Variants in SLC25A42 observed in about 807,000 individuals in gnomAD.
The protein encoded by SLC25A42 is solute carrier family 25 member 42.
SLC25A42 carries 19 observed loss-of-function variants against 34.7 expected under a neutral mutation model. That is an observed-to-expected ratio of 0.55 (90% CI 0.38 to 0.80). The LOEUF is 0.80. SLC25A42 is among the 30% of genes least tolerant of loss of function. The pLI is 0.00. For synonymous variants in SLC25A42, 205 were observed against 191.2 expected, an observed-to-expected ratio of 1.07 and a Z score of -0.59; for missense variants, 364 against 441.3, an observed-to-expected ratio of 0.82 and a Z score of 1.57.
chr19:19,068,728 C>T (rs2145895518), intron 1 of SLC25A42, among the ~76,000 whole-genome samples: 1 of 151,500 alleles, frequency 6.6e-6, no homozygotes, highest in South Asian at 2.1e-4. Flanking sequence ...GTCCCAGCTA[C>T]TCGGGAGACT....
chr19:19,065,016 C>T (rs1200452565), intron 1 of SLC25A42, among the ~76,000 whole-genome samples: 1 of 152,222 alleles, frequency 6.6e-6, no homozygotes, highest in Non-Finnish European at 1.5e-5. Flanking sequence ...GAGGCAGAGC[C>T]TATTCTACCC....
rs200046761 is a variant in SLC25A42 at position 19,107,866 on chromosome 19, C to T, written c.498-28C>T. The T allele has an allele frequency of 1.9e-4, 313 of 1,613,250 alleles. 3 individuals carry two copies. In the Admixed American group the frequency reaches 4.3e-3, roughly 22 times the overall value. On this transcript the variant is annotated intron_variant, in intron 6 of 7. Transcript: ENST00000318596. ...CCCTGTGCCTGGGAGGCCTGAGTCC[C>T]ACCTGCTGGGCTGCTCTGTCCTGGC...
At chr19:19,108,990 T>G (rs1271200869) in intron 7 of SLC25A42, among the ~76,000 whole-genome samples, 1 of 152,182 alleles carries the variant, frequency 6.6e-6, no homozygotes, top group Non-Finnish European at 1.5e-5. Flanking sequence ...CAAGTCTCTC[T>G]CCTGAGGCCT....
At chr19:19,105,112 C>T in intron 4 of SLC25A42, 174 bp downstream of exon 4, 2 of 753,802 alleles carry the variant, frequency 2.7e-6, no homozygotes, top group Non-Finnish European at 2.2e-6. Flanking sequence ...CGGGACATCC[C>T]GAGTGTCCTT....
intron 2 of SLC25A42, 77 bp from the exon 3 acceptor site, chr19:19,101,704 G>A: frequency 7.5e-7 from 1 of 1,324,950 alleles, no homozygotes; most frequent in Non-Finnish European, 1.1e-6. Flanking sequence ...AGGGTGTAAG[G>A]AAGGCACTTC....
At chr19:19,089,869 A>AAAAAACAAAAACAAAAAC (rs112181062) in intron 1 of SLC25A42, among the ~76,000 whole-genome samples, 20 of 151,520 alleles carry the variant, frequency 1.3e-4, no homozygotes, top group South Asian at 4.2e-4. Context: ...ACTCCGTCTC[A>AAAAAACAAAAACAAAAAC]AAAAACAAAA....
Position 19,109,299 on chromosome 19 carries a change from G to A in SLC25A42, c.649+1254G>A, listed in dbSNP as rs1198870734. On this transcript the variant is annotated intron_variant, in intron 7 of 7. Coordinates refer to ENST00000318596, the MANE Select transcript of SLC25A42 (RefSeq NM_178526.5). The surrounding 1 kb of genome is among the most constrained non-coding windows in gnomAD (Gnocchi z 4.1). ...GACATCCAGGAGCTCGTCTCCTTGT[G>A]TGACTGTAAAACCCCATTTTCGGTG... Among the ~76,000 whole-genome samples, 2 of 152,204 alleles carry A rather than the reference G, an allele frequency of 1.3e-5. No homozygotes were observed. The highest frequency in any genetic ancestry group is 2.9e-5 in the Non-Finnish European group (2 of 68,046).
chr19:19,075,834 A>G (rs1481040812), intron 1 of SLC25A42, among the ~76,000 whole-genome samples: 1 of 151,918 alleles, frequency 6.6e-6, no homozygotes, highest in Non-Finnish European at 1.5e-5. Flanking sequence ...CTCTGTGTCA[A>G]CTCTGCCCTG....
At position 19,108,044 on chromosome 19, in the gene SLC25A42, A is replaced by C. The variant is rs45546936; in HGVS notation, c.648A>C (p.Arg216Ser). The C allele has an allele frequency of 2.9e-5, 46 of 1,563,336 alleles. No individual in the cohort carries two copies. Among genetic ancestry groups the C allele is most frequent in the Non-Finnish European group, 3.7e-5 (43 of 1,152,024 alleles). The change falls in exon 7 of 8, where the codon AGA becomes AGC. Residue 216 changes from arginine (R) to serine (S), a missense_variant and splice_region_variant. By Grantham distance (110) the Arg-to-Ser change is moderately radical. Transcript: ENST00000318596. ...ATGAGACGCTCAAGAGCTTGCACAG[A>C]GGTAAGGAGAGCTGGGAGCATGAGG... ...FTYETLKSLHREYSGRRQPYP... is the reference protein window; with the variant it reads ...FTYETLKSLHSEYSGRRQPYP...
chr19:19,084,285 C>G (rs1050070206), intron 1 of SLC25A42, among the ~76,000 whole-genome samples: 2 of 152,196 alleles, frequency 1.3e-5, no homozygotes, highest in African/African-American at 4.8e-5. Context: ...GTTTGGGGCC[C>G]ACAGATGCTC....
chr19:19,075,021 G>A (rs1016195514), intron 1 of SLC25A42, among the ~76,000 whole-genome samples: 1 of 152,004 alleles, frequency 6.6e-6, no homozygotes, highest in Non-Finnish European at 1.5e-5. Flanking sequence ...GGGCATGATA[G>A]TGTACACCCA....
chr19:19,088,441 C>T (rs1467346842), intron 1 of SLC25A42, among the ~76,000 whole-genome samples: 2 of 151,856 alleles, frequency 1.3e-5, no homozygotes, highest in Non-Finnish European at 2.9e-5. Context: ...CTCCTGACCT[C>T]GTGATCTGCC....
At chr19:19,078,884 T>G (rs2059667897) in intron 1 of SLC25A42, among the ~76,000 whole-genome samples, 1 of 151,934 alleles carries the variant, frequency 6.6e-6, no homozygotes, top group Non-Finnish European at 1.5e-5. Flanking sequence ...GTAGTCTTGC[T>G]CTTGTCCCCC....
chr19:19,088,427 C>T (rs139347493), intron 1 of SLC25A42, among the ~76,000 whole-genome samples: 5 of 151,920 alleles, frequency 3.3e-5, no homozygotes, highest in East Asian at 1.9e-4. Context: ...AGGATGGACT[C>T]GATCTCCTGA....
chr19:19,077,972 T>C (rs1342219883), intron 1 of SLC25A42, among the ~76,000 whole-genome samples: 2 of 152,218 alleles, frequency 1.3e-5, no homozygotes, highest in Admixed American at 6.5e-5. Context: ...ATCCGTGTTG[T>C]TGTCGCGTGT....
At chr19:19,097,309 G>A (rs182527779) in intron 2 of SLC25A42, among the ~76,000 whole-genome samples, 9 of 152,286 alleles carry the variant, frequency 5.9e-5, no homozygotes, top group South Asian at 2.1e-4. Context: ...AGCAGCAGGC[G>A]GGCGGGAGGA....
rs996227499 is a variant in SLC25A42 at position 19,096,155 on chromosome 19, C to T, written c.31C>T (p.Arg11Ter). Residue 11 changes from arginine to a stop codon, truncating the protein, a stop_gained, in exon 2 of 8, where the codon CGA becomes TGA. Coordinates refer to ENST00000318596, the MANE Select transcript of SLC25A42 (RefSeq NM_178526.5). LOFTEE classifies it high-confidence loss of function. ...TAATGGTGTGAAGGAAGGCCCGGTG[C>T]GATTGCATGAGGATGCTGAGGCTGT... MGNGVKEGPV[R>*]LHEDAEAVLS... The T allele has an allele frequency of 5.0e-6, 8 of 1,613,322 alleles. No individual in the cohort carries two copies. The highest frequency in any genetic ancestry group is 2.2e-5 in the East Asian group (1 of 44,874).
At chr19:19,108,405 T>C (rs968720230) in intron 7 of SLC25A42, among the ~76,000 whole-genome samples, 6 of 151,900 alleles carry the variant, frequency 3.9e-5, no homozygotes, top group Admixed American at 2.0e-4. Context: ...ACAAAAAAAT[T>C]AGGCATGGTG....
chr19:19,087,116 A>G (rs577977732), intron 1 of SLC25A42, among the ~76,000 whole-genome samples: 1 of 150,778 alleles, frequency 6.6e-6, no homozygotes, highest in Admixed American at 6.6e-5. Context: ...CAATCTTCCC[A>G]TTTCCCCCTG....
Sources: gnomAD v4.1 joint callset for allele counts (sites outside exome capture counted in the v4.1 genomes callset) on GRCh38, gnomAD v4.1.1 for gene constraint, Gnocchi (gnomAD v3.1) non-coding constraint, MANE v1.5 for transcripts, NCBI Gene and HGNC (gene_info 2026-07-23, HGNC 2026-07-21) for gene names.